Variants in IREB2 observed in about 807,000 individuals in gnomAD.
The protein encoded by IREB2 is iron responsive element binding protein 2, also known as iron-responsive element-binding protein 2.
In IREB2, 39 loss-of-function variants were observed where a neutral mutation model predicts 118.8. The ratio of observed to expected loss-of-function variants is 0.33; its 90% CI spans 0.25 to 0.43. IREB2 has a LOEUF of 0.43. Ranked by LOEUF, IREB2 falls within the 20% of genes least tolerant of loss-of-function variation. IREB2 has a pLI of 1.00. For synonymous variants in IREB2, 372 were observed against 392.2 expected (o/e 0.95, Z 0.61); for missense variants, 900 against 1,147.3 (o/e 0.78, Z 3.11).
At chr15:78,438,917 A>C (rs2050801111) in intron 1 of IREB2, 1 of 141,766 alleles carries the variant, frequency 7.1e-6, no homozygotes, top group Non-Finnish European at 1.5e-5. Context: ...ACCTCCCTCT[A>C]CAAAAAAAAA....
chr15:78,478,331 A>G lies in IREB2; in HGVS notation c.1230A>G (p.Thr410=), dbSNP rs374963630. Residue 410 remains threonine, a synonymous_variant, in exon 10 of 22, where the codon ACA becomes ACG. Coordinates refer to ENST00000258886, the MANE Select transcript of IREB2 (RefSeq NM_004136.4). ...AAGCCAAACTCGAATCAATGGAAAC[A>G]TACCTTAAAGCTGTGAAATTGTTTC... is the stretch of plus-strand genomic sequence containing the variant. ...FSKAKLESME[T]YLKAVKLFRN... 258 of 1,613,608 alleles carry G rather than the reference A, an allele frequency of 1.6e-4. No individual in the cohort carries two copies. The highest frequency in any genetic ancestry group is 1.9e-4 in the Non-Finnish European group (223 of 1,179,632).
At chr15:78,459,511 G>A (rs1425248074) in intron 2 of IREB2, among the ~76,000 whole-genome samples, 1 of 152,074 alleles carries the variant, frequency 6.6e-6, no homozygotes, top group Non-Finnish European at 1.5e-5. Context: ...CACCATGCCA[G>A]GCTAATTTTT....
chr15:78,478,883 C>G (rs2051520560), intron 10 of IREB2, among the ~76,000 whole-genome samples: 1 of 152,162 alleles, frequency 6.6e-6, no homozygotes, highest in South Asian at 2.1e-4. Flanking sequence ...ATATTAAAAA[C>G]AAATTCATAG....
upstream of IREB2, chr15:78,438,077 G>T: frequency 2.0e-6 from 1 of 489,710 alleles, no homozygotes; most frequent in Non-Finnish European, 3.7e-6. Flanking sequence ...CAGCGGCGAC[G>T]GCGCGAGAAA....
rs1363067179 is a variant in IREB2 at position 78,485,765 on chromosome 15, G to A, written c.1634G>A (p.Ser545Asn). The change falls in exon 13 of 22, where the codon AGT (serine) becomes AAT (asparagine). Residue 545 changes from serine (S) to asparagine (N), a missense_variant. Transcript: ENST00000258886. ...GLRVKPYIRT[S>N]LSPGSGMVTH... ...CGTGTTAAACCTTATATAAGAACAAGTTTATCTCCAGGCAGTGGGATGGTT... is the reference window on the plus strand; with the variant it reads ...CGTGTTAAACCTTATATAAGAACAAATTTATCTCCAGGCAGTGGGATGGTT... 1 of 1,613,984 alleles carries A rather than the reference G, an allele frequency of 6.2e-7. No homozygotes were observed. Among genetic ancestry groups the A allele is most frequent in the Middle Eastern group, 1.7e-4 (1 of 6,060 alleles).
intron 9 of IREB2, among the ~76,000 whole-genome samples, chr15:78,477,454 G>C (rs886938227): frequency 6.6e-6 from 1 of 152,190 alleles, no homozygotes; most frequent in African/African-American, 2.4e-5. Context: ...TGAGGACTTA[G>C]GTAAGTCTAT....
chr15:78,485,420 G>GAAA (rs59139575), intron 12 of IREB2, among the ~76,000 whole-genome samples: 2 of 152,124 alleles, frequency 1.3e-5, no homozygotes, highest in Non-Finnish European at 2.9e-5. Context: ...AGAAGAAAGA[G>GAAA]AAAAAATGGT....
intron 8 of IREB2, chr15:78,474,246 A>G (rs1282062031): frequency 6.6e-6 from 1 of 152,202 alleles, no homozygotes; most frequent in Non-Finnish European, 1.5e-5. Flanking sequence ...TTGAGTCCCA[A>G]TCTCAGCATT....
chr15:78,453,494 A>G (rs1417663017), intron 2 of IREB2, among the ~76,000 whole-genome samples: 2 of 151,864 alleles, frequency 1.3e-5, no homozygotes, highest in Admixed American at 1.3e-4. Context: ...ATGGGAAGAA[A>G]CCAGTTGAAT....
intron 3 of IREB2, 69 bp downstream of exon 3, chr15:78,463,156 T>G (rs2051225072): frequency 7.6e-7 from 1 of 1,318,308 alleles, no homozygotes; most frequent in East Asian, 2.4e-5. Flanking sequence ...TACAGACTCT[T>G]GGGTAGGTGT....
At chr15:78,458,194 G>T (rs988544849) in intron 2 of IREB2, among the ~76,000 whole-genome samples, 4 of 151,978 alleles carry the variant, frequency 2.6e-5, no homozygotes, top group African/African-American at 9.7e-5. Flanking sequence ...TCTACTTTAC[G>T]TACAACTTTA....
Position 78,491,810 on chromosome 15 carries a change from GCTTGTGTTGA to G in IREB2, c.2324+1051_2324+1060del, listed in dbSNP as rs1032686082. ...CGTGCCCAGCCAAAATGTCAATGTA[GCTTGTGTTGA>G]CATGTGATAATATTGCACAGCTTTT... On this transcript the variant is annotated intron_variant, in intron 18 of 21. Transcript: ENST00000258886. Among the ~76,000 whole-genome samples, 21 of 152,260 alleles carry G rather than the reference GCTTGTGTTGA, an allele frequency of 1.4e-4. 1 individual carries two copies. Among genetic ancestry groups the G allele is most frequent in the African/African-American group, 4.8e-4 (20 of 41,544 alleles).
At chr15:78,447,622 C>T (rs1415794769) in intron 2 of IREB2, among the ~76,000 whole-genome samples, 1 of 151,880 alleles carries the variant, frequency 6.6e-6, no homozygotes, top group Admixed American at 6.6e-5. Context: ...TGAGCCACCA[C>T]TCCCGCTCTG....
In IREB2 at chr15:78,498,835, CAT is replaced by C. The variant is rs1357908945; in HGVS notation, c.*695_*696del. 1 of 152,230 alleles carries C rather than the reference CAT, an allele frequency of 6.6e-6. No homozygotes were observed. The highest frequency in any genetic ancestry group is 6.5e-5 in the Admixed American group (1 of 15,278). 9.4% of individuals were successfully genotyped at this position (152,230 alleles called of 1,614,324 possible). The stretch of plus-strand genomic sequence containing the variant: ...GTATTAGCAGTGGGAATATGTATCA[CAT>C]ATGATGCAGCCTTTCATATTTCAGC... On this transcript the variant is annotated 3_prime_UTR_variant, in exon 22 of 22. Transcript: ENST00000258886.
At chr15:78,488,876 TA>T in intron 16 of IREB2, 105 bp downstream of exon 16, 1 of 691,714 alleles carries the variant, frequency 1.4e-6, no homozygotes, top group Non-Finnish European at 2.2e-6. Flanking sequence ...TTATTTTGAA[TA>T]CAGTTTTTAA....
chr15:78,483,535 A>G, intron 11 of IREB2, 101 bp downstream of exon 11: 2 of 706,216 alleles, frequency 2.8e-6, no homozygotes, highest in East Asian at 2.5e-5. Context: ...GCTATGTTTT[A>G]TATATTATGG....
intron 11 of IREB2, among the ~76,000 whole-genome samples, chr15:78,484,094 T>C (rs2051619713): frequency 6.6e-6 from 1 of 151,982 alleles, no homozygotes; most frequent in Admixed American, 6.6e-5. Flanking sequence ...CCTACAGTCA[T>C]AAAATTTGGT....
intron 2 of IREB2, among the ~76,000 whole-genome samples, chr15:78,449,887 G>C (rs968534968): frequency 4.6e-5 from 7 of 152,090 alleles, no homozygotes. Flanking sequence ...GCTTATTTTA[G>C]AAGTGTGATG....
chr15:78,453,642 TGGTGAAAG>T (rs2051061480), intron 2 of IREB2, among the ~76,000 whole-genome samples: 1 of 152,162 alleles, frequency 6.6e-6, no homozygotes, highest in Non-Finnish European at 1.5e-5. Flanking sequence ...CTCCCTTAAC[TGGTGAAAG>T]GGTGAATCCA....
Sources: gnomAD v4.1 joint callset for allele counts (sites outside exome capture counted in the v4.1 genomes callset) on GRCh38, gnomAD v4.1.1 for gene constraint, MANE v1.5 for transcripts, NCBI Gene and HGNC (gene_info 2026-07-23, HGNC 2026-07-21) for gene names.